Variants in LAMC1 observed in about 807,000 individuals in gnomAD.
LAMC1 encodes the protein laminin subunit gamma 1, also known as laminin subunit gamma-1.
Under a neutral mutation model 173.6 loss-of-function variants are expected in LAMC1, and 38 were observed. The observed-to-expected ratio is 0.22, with a 90% CI of 0.17 to 0.29. The LOEUF (loss-of-function observed/expected upper bound fraction) is 0.29, where lower values mean the gene tolerates loss of function less well. Ranked by LOEUF, LAMC1 falls within the 10% of genes least tolerant of loss-of-function variation. The pLI, the probability that LAMC1 is intolerant of heterozygous loss-of-function variation, is 1.00. For synonymous variants in LAMC1, 746 were observed against 749.1 expected, an observed-to-expected ratio of 1.00 and a Z score of 0.07; for missense variants, 1,824 against 2,051.8, an observed-to-expected ratio of 0.89 and a Z score of 2.14.
intron 2 of LAMC1, among the ~76,000 whole-genome samples, chr1:183,107,607 T>G (rs1259983964): frequency 5.9e-5 from 9 of 151,858 alleles, no homozygotes; most frequent in African/African-American, 1.9e-4. Flanking sequence ...GAGGCGGGTG[T>G]ATCACGAGGT....
chr1:183,051,301 A>G (rs77233477), intron 1 of LAMC1, among the ~76,000 whole-genome samples: 2,625 of 152,294 alleles, frequency 0.017, 80 homozygotes, highest in African/African-American at 0.06. Context: ...ACTGCCTTCT[A>G]GAAGTTCAAC....
intron 2 of LAMC1, among the ~76,000 whole-genome samples, chr1:183,105,224 C>CAAAAAAA (rs35512159): frequency 1.4e-4 from 6 of 42,766 alleles, no homozygotes; most frequent in Admixed American, 3.3e-4. Context: ...GACTCCATCT[C>CAAAAAAA]AAAAAAAAAA....
In LAMC1 at chr1:183,023,596, C is replaced by G. The variant is rs1245799584; in HGVS notation, c.-121C>G. 6 of 735,816 alleles carry G rather than the reference C, an allele frequency of 8.2e-6. No individual in the cohort carries two copies. The highest frequency in any genetic ancestry group is 3.8e-5 in the African/African-American group (2 of 53,100). The allele number at this position is 735,816 out of a possible 1,614,324, so 45.6% of individuals were successfully genotyped here. ...CGCGAGCCGCCGCCACCGCCCGCGC[C>G]GGAGTCAGGCCCCTGGGCCCCCAGG... On this transcript the variant is annotated 5_prime_UTR_variant, in exon 1 of 28. Coordinates refer to ENST00000258341, the MANE Select transcript of LAMC1 (RefSeq NM_002293.4).
intron 1 of LAMC1, among the ~76,000 whole-genome samples, chr1:183,054,931 T>C (rs575557199): frequency 1.3e-5 from 2 of 152,048 alleles, no homozygotes; most frequent in East Asian, 3.9e-4. Context: ...TGGTGCTCTA[T>C]TGTGTTGCCT....
At position 183,105,238 on chromosome 1, in the gene LAMC1, AAAAAAAAAG is replaced by A. The variant is rs1209172033; in HGVS notation, c.723+1610_723+1618del. Among the ~76,000 whole-genome samples the A allele has an allele frequency of 6.7e-3, 981 of 146,772 alleles. 4 individuals are homozygous for A. Among genetic ancestry groups the A allele is most frequent in the Non-Finnish European group, 8.5e-3 (569 of 66,600 alleles). On this transcript the variant is annotated intron_variant, in intron 2 of 27. Transcript: ENST00000258341. ...AGACTCCATCTCAAAAAAAAAAAAA[AAAAAAAAAG>A]AAAGAAAGAAAAGAAAAGAAAAAGC...
At chr1:183,102,308 G>T (rs1413033340) in intron 1 of LAMC1, among the ~76,000 whole-genome samples, 1 of 152,166 alleles carries the variant, frequency 6.6e-6, no homozygotes, top group Non-Finnish European at 1.5e-5. Context: ...GGCTTAGGGA[G>T]AAAAAACTGT....
chr1:183,038,189 C>T (rs1654033610), intron 1 of LAMC1, among the ~76,000 whole-genome samples: 1 of 152,060 alleles, frequency 6.6e-6, no homozygotes. Flanking sequence ...GCGTGGGCCA[C>T]CATGCCTGGC....
At chr1:183,029,007 A>C (rs1249867555) in intron 1 of LAMC1, among the ~76,000 whole-genome samples, 1 of 152,178 alleles carries the variant, frequency 6.6e-6, no homozygotes, top group African/African-American at 2.4e-5. Context: ...TCCCTATCTC[A>C]GTGAACTACA....
intron 27 of LAMC1, among the ~76,000 whole-genome samples, chr1:183,141,918 C>G (rs974499426): frequency 8.5e-5 from 13 of 152,180 alleles, no homozygotes; most frequent in Non-Finnish European, 1.8e-4. Context: ...ATTGTGTCTG[C>G]TTTTGTTTGT....
chr1:183,053,393 C>G (rs1400423270), intron 1 of LAMC1, among the ~76,000 whole-genome samples: 1 of 147,698 alleles, frequency 6.8e-6, no homozygotes, highest in Non-Finnish European at 1.5e-5. Context: ...TTTAAAAATG[C>G]TCATCTGGAT....
rs575828092 is a variant in LAMC1 at position 183,074,541 on chromosome 1, G to C, written c.419-28787G>C. The stretch of plus-strand genomic sequence containing the variant: ...AAAGGCTGCAGTCTGTAAGGACCTG[G>C]GGAAGAGAAGACATTTTCTGTATGA... On this transcript the variant is annotated intron_variant, in intron 1 of 27. Transcript: ENST00000258341. Among the ~76,000 whole-genome samples, 7 of 152,242 alleles carry C rather than the reference G, an allele frequency of 4.6e-5. No homozygotes were observed. The South Asian group carries it at 1.5e-3, about 32-fold the overall frequency.
intron 13 of LAMC1, 60 bp downstream of exon 13, chr1:183,122,311 A>C: frequency 6.6e-7 from 1 of 1,510,724 alleles, no homozygotes; most frequent in Non-Finnish European, 9.1e-7. Flanking sequence ...CCTAGGGGAA[A>C]GGGGCTTCGG....
In LAMC1 at chr1:183,048,294, C is replaced by T. The variant is rs749051667; in HGVS notation, c.418+24160C>T. The stretch of plus-strand genomic sequence containing the variant: ...CATGCTGATAAAGTTGGCAGAGATA[C>T]GTCATTGTCCCTCAGTGTAATTTGT... On this transcript the variant is annotated intron_variant, in intron 1 of 27. Transcript: ENST00000258341. 3.9e-5 allele frequency among the ~76,000 whole-genome samples: 6 copies of T among 152,128 alleles called. No homozygotes were observed. The South Asian group carries it at 1.0e-3, about 26-fold the overall frequency.
At chr1:183,056,874 G>C (rs1654611195) in intron 1 of LAMC1, among the ~76,000 whole-genome samples, 1 of 152,154 alleles carries the variant, frequency 6.6e-6, no homozygotes, top group Admixed American at 6.5e-5. Context: ...AGCTGCTTCT[G>C]GGTTTGTACT....
At chr1:183,034,663 G>A (rs1653933150) in intron 1 of LAMC1, among the ~76,000 whole-genome samples, 1 of 152,210 alleles carries the variant, frequency 6.6e-6, no homozygotes, top group Admixed American at 6.5e-5. Context: ...CCCGGATCTT[G>A]AAGAAAAGTA....
At chr1:183,100,346 G>T (rs1178463938) in intron 1 of LAMC1, among the ~76,000 whole-genome samples, 2 of 152,184 alleles carry the variant, frequency 1.3e-5, no homozygotes, top group Non-Finnish European at 2.9e-5. Flanking sequence ...CTGGTTTAAT[G>T]CCTTCAGTGG....
intron 1 of LAMC1, among the ~76,000 whole-genome samples, chr1:183,094,566 A>G (rs1480135591): frequency 1.3e-5 from 2 of 152,348 alleles, no homozygotes; most frequent in South Asian, 2.1e-4. Context: ...ATGTTTGTTG[A>G]ATGAATGGAA....
chr1:183,086,768 A>T (rs1464062845), intron 1 of LAMC1, among the ~76,000 whole-genome samples: 2 of 152,216 alleles, frequency 1.3e-5, no homozygotes, highest in Admixed American at 6.5e-5. Context: ...AGGGTCAGAA[A>T]ATTACTTAAG....
chr1:183,049,856 C>A (rs1009960717), intron 1 of LAMC1, among the ~76,000 whole-genome samples: 1 of 151,994 alleles, frequency 6.6e-6, no homozygotes, highest in African/African-American at 2.4e-5. Context: ...GATTTTCTTC[C>A]TTTGTGTCAA....
Sources: allele counts gnomAD v4.1 joint callset (sites outside exome capture counted in the v4.1 genomes callset), GRCh38; gene constraint gnomAD v4.1.1; transcripts MANE v1.5; gene names NCBI Gene and HGNC (gene_info 2026-07-23, HGNC 2026-07-21).